HSP90AB1: variants seen among roughly 807,000 people sequenced by gnomAD.
The protein encoded by HSP90AB1 is heat shock protein 90 alpha family class B member 1.
A neutral mutation model predicts 67.8 loss-of-function variants in HSP90AB1; 17 were observed. That is an observed-to-expected ratio of 0.25 (90% confidence interval 0.17 to 0.38). The LOEUF (loss-of-function observed/expected upper bound fraction) is 0.38. HSP90AB1 is among the 10% of genes least tolerant of loss of function. HSP90AB1 has a pLI of 1.00. For missense variants in HSP90AB1, 690 were observed against 899.9 expected (o/e 0.77, Z 2.98); for synonymous variants, 390 against 312.9 (o/e 1.25, Z -2.60).
In HSP90AB1 at chr6:44,253,066, G is replaced by A; in HGVS notation, c.1753G>A (p.Val585Met). Residue 585 changes from valine to methionine, a missense_variant, in exon 11 of 12, where the codon GTG becomes ATG. This residue lies in a region of HSP90AB1 where 206 missense variants were observed against 221.4 expected (regional missense o/e 0.93). Coordinates refer to ENST00000371646, the MANE Select transcript of HSP90AB1 (RefSeq NM_007355.4). The part of the protein sequence containing the change: ...VEKVTISNRL[V>M]SSPCCIVTST... Reference sequence around the variant, plus strand: ...ACAGGTGACAATCTCCAATAGACTTGTGTCTTCACCTTGCTGCATTGTGAC... The same window carrying A: ...ACAGGTGACAATCTCCAATAGACTTATGTCTTCACCTTGCTGCATTGTGAC... 6.2e-7 allele frequency: 1 copy of A among 1,613,972 alleles called. No individual in the cohort carries two copies. Among genetic ancestry groups the A allele is most frequent in the Non-Finnish European group, 8.5e-7 (1 of 1,179,854 alleles).
chr6:44,248,604 T>G, intron 1 of HSP90AB1, 26 bp from the exon 2 acceptor site: 1 of 1,598,428 alleles, frequency 6.3e-7, no homozygotes, highest in Non-Finnish European at 8.5e-7. Flanking sequence ...AGTGTTCTTT[T>G]GTAATTAATG....
At chr6:44,250,851 G>A (rs1409167474) in intron 6 of HSP90AB1, among the ~76,000 whole-genome samples, 197 bp from the exon 7 acceptor site, 1 of 152,166 alleles carries the variant, frequency 6.6e-6, no homozygotes, top group East Asian at 1.9e-4. Flanking sequence ...CTGATCAGAG[G>A]GGACTGTTTT....
chr6:44,250,353 A>G lies in HSP90AB1; in HGVS notation c.711A>G (p.Lys237=). Residue 237 remains lysine, a synonymous_variant, in exon 6 of 12, where the codon AAA becomes AAG. Coordinates refer to ENST00000371646, the MANE Select transcript of HSP90AB1 (RefSeq NM_007355.4). ...AGGCAGAGGAAGAGAAAGGTGAGAAAGAAGAGGAAGATAAAGATGATGAAG... is the reference window on the plus strand; with the variant it reads ...AGGCAGAGGAAGAGAAAGGTGAGAAGGAAGAGGAAGATAAAGATGATGAAG... The part of the protein sequence containing the change: ...DDEAEEEKGE[K]EEEDKDDEEK... The G allele has an allele frequency of 6.2e-7, 1 of 1,613,858 alleles. No homozygotes were observed. Among genetic ancestry groups the G allele is most frequent in the Non-Finnish European group, 8.5e-7 (1 of 1,179,756 alleles).
intron 1 of HSP90AB1, chr6:44,247,957 G>T (rs907324101): frequency 6.6e-6 from 1 of 152,274 alleles, no homozygotes; most frequent in Non-Finnish European, 1.5e-5. Flanking sequence ...ACGAGTGTCG[G>T]CCTGGTGGCT....
intron 1 of HSP90AB1, among the ~76,000 whole-genome samples, chr6:44,247,450 C>T (rs755993339): frequency 6.6e-6 from 1 of 151,972 alleles, no homozygotes; most frequent in Non-Finnish European, 1.5e-5. Context: ...GGGGTTGGGG[C>T]AGTGGGCGGC....
At chr6:44,253,423 C>T (rs769502904) in intron 11 of HSP90AB1, 45 bp downstream of exon 11, 55 of 1,600,508 alleles carry the variant, frequency 3.4e-5, no homozygotes, top group East Asian at 6.7e-5. Context: ...TTGTGCAACT[C>T]GTCTCCTCTA....
chr6:44,250,694 C>T (rs1186521281), intron 6 of HSP90AB1, 95 bp downstream of exon 6: 3 of 722,914 alleles, frequency 4.1e-6, no homozygotes, highest in Non-Finnish European at 2.4e-6. Context: ...CGGAACTTGT[C>T]CAACTGATAA....
At chr6:44,253,415 G>A (rs970351940) in intron 11 of HSP90AB1, 37 bp downstream of exon 11, 3 of 1,217,502 alleles carry the variant, frequency 2.5e-6, no homozygotes, top group African/African-American at 1.8e-5. Context: ...CAAGGAGTTT[G>A]TGCAACTCGT....
Position 44,250,433 on chromosome 6 carries a change from A to C in HSP90AB1, c.791A>C (p.Asp264Ala). 1 of 1,613,960 alleles carries C rather than the reference A, an allele frequency of 6.2e-7. No individual in the cohort carries two copies. The highest frequency in any genetic ancestry group is 8.5e-7 in the Non-Finnish European group (1 of 1,179,846). Residue 264 changes from aspartate to alanine, a missense_variant, in exon 6 of 12, where the codon GAT (aspartate) becomes GCT (alanine). This residue lies in a region of HSP90AB1 where 146 missense variants were observed against 143.7 expected (regional missense o/e 1.02). Transcript: ENST00000371646. The part of the protein sequence containing the change: ...GSDEEDDSGK[D>A]KKKKTKKIKE... Reference sequence around the variant, plus strand: ...GATGAGGAGGATGACAGCGGTAAGGATAAGAAGAAGAAAACTAAGAAGATC... The same window carrying C: ...GATGAGGAGGATGACAGCGGTAAGGCTAAGAAGAAGAAAACTAAGAAGATC...
At chr6:44,246,619 G>A (rs1462543226), upstream of HSP90AB1, among the ~76,000 whole-genome samples, 1 of 152,242 alleles carries the variant, frequency 6.6e-6, no homozygotes, top group African/African-American at 2.4e-5. Flanking sequence ...GCTACCCAAG[G>A]TTGGGTCCCG....
Position 44,249,839 on chromosome 6 carries a change from G to A in HSP90AB1, c.514+5G>A, listed in dbSNP as rs201355139. 9.7e-5 allele frequency: 155 copies of A among 1,602,604 alleles called. No individual in the cohort carries two copies. The highest frequency in any genetic ancestry group is 1.2e-4 in the Non-Finnish European group (141 of 1,173,770). On this transcript the variant is annotated splice_donor_5th_base_variant and intron_variant, in intron 4 of 11. Transcript: ENST00000371646. ...TCACTGTGCGTGCTGACCATGGTAA[G>A]TTAGCTTTTCTGTTACAAGGTAGTT...
intron 2 of HSP90AB1, 31 bp downstream of exon 2, chr6:44,248,807 G>GTTTT: frequency 2.2e-6 from 3 of 1,391,768 alleles, no homozygotes; most frequent in Non-Finnish European, 9.8e-7. Flanking sequence ...ATTTGGCATG[G>GTTTT]TTTTTTTTTT....
chr6:44,246,227 C>G (rs1295668777), upstream of HSP90AB1: 1 of 152,388 alleles, frequency 6.6e-6, no homozygotes, highest in Non-Finnish European at 1.5e-5. Context: ...GCCCGCAGAG[C>G]CGCCCCAGGT....
At position 44,252,255 on chromosome 6, in the gene HSP90AB1, G is replaced by A. The variant is rs766562230; in HGVS notation, c.1719G>A (p.Lys573=). 12 of 1,613,412 alleles carry A rather than the reference G, an allele frequency of 7.4e-6. No homozygotes were observed. In the African/African-American group the frequency reaches 1.5e-4, roughly 20 times the overall value. Residue 573 remains lysine, a synonymous_variant, in exon 10 of 12, where the codon AAG becomes AAA. Coordinates refer to ENST00000371646, the MANE Select transcript of HSP90AB1 (RefSeq NM_007355.4). Reference sequence around the variant, plus strand: ...AGCTCATGAAAGAAATCTTAGATAAGAAGGTTGAGAAGGTAAGCCATTCTG... The same window carrying A: ...AGCTCATGAAAGAAATCTTAGATAAAAAGGTTGAGAAGGTAAGCCATTCTG... ...LCKLMKEILD[K]KVEKVTISNR...
At chr6:44,250,687 A>C in intron 6 of HSP90AB1, 88 bp downstream of exon 6, 13 of 737,184 alleles carry the variant, frequency 1.8e-5, no homozygotes, top group South Asian at 1.7e-4. Flanking sequence ...AGACACACGG[A>C]ACTTGTCCAA....
Position 44,251,812 on chromosome 6 carries a change from G to C in HSP90AB1, c.1390G>C (p.Asp464His). Residue 464 changes from aspartate (D) to histidine (H), a missense_variant, in exon 9 of 12, where the codon GAT becomes CAT. Asp to His is a moderately conservative substitution (Grantham distance 81, BLOSUM62 -1). Transcript: ENST00000371646. Reference sequence around the variant, plus strand: ...GCGCTATCATACCTCCCAGTCTGGAGATGAGATGACATCTCTGTCAGAGTA... The same window carrying C: ...GCGCTATCATACCTCCCAGTCTGGACATGAGATGACATCTCTGTCAGAGTA... ...LLRYHTSQSG[D>H]EMTSLSEYVS... The C allele has an allele frequency of 6.2e-7, 1 of 1,613,190 alleles. No individual in the cohort carries two copies. The highest frequency in any genetic ancestry group is 8.5e-7 in the Non-Finnish European group (1 of 1,180,026).
At chr6:44,252,976 G>A in intron 10 of HSP90AB1, 69 bp from the exon 11 acceptor site, 2 of 1,321,774 alleles carry the variant, frequency 1.5e-6, no homozygotes, top group Non-Finnish European at 2.2e-6. Context: ...GCTGGAATTA[G>A]GCTTGACAAT....
chr6:44,248,890 C>T (rs1219285964), intron 2 of HSP90AB1, 114 bp downstream of exon 2: 2 of 911,010 alleles, frequency 2.2e-6, no homozygotes, highest in African/African-American at 1.7e-5. Context: ...GGTAAACTTG[C>T]AGCTATTCCA....
rs746073230 is a variant in HSP90AB1, at chr6:44,248,650, T to G, written c.21T>G (p.His7Gln). The G allele has an allele frequency of 6.8e-6, 11 of 1,612,722 alleles. No individual in the cohort carries two copies. MPEEVH[H>Q]GEEEVETFAF... ...TTTAGATGCCTGAGGAAGTGCACCA[T>G]GGAGAGGAGGAGGTGGAGACTTTTG... Residue 7 changes from histidine to glutamine, a missense_variant, in exon 2 of 12, where the codon CAT becomes CAG. Transcript: ENST00000371646.
Sources: allele counts gnomAD v4.1 joint callset (sites outside exome capture counted in the v4.1 genomes callset), GRCh38; gene constraint gnomAD v4.1.1; regional missense constraint gnomAD v4.1.1; transcripts MANE v1.5; gene names NCBI Gene and HGNC (gene_info 2026-07-23, HGNC 2026-07-21).